EFCAB6: variants seen among roughly 807,000 people sequenced by gnomAD.
The protein encoded by EFCAB6 is EF-hand calcium binding domain 6, also known as EF-hand calcium-binding domain-containing protein 6.
In EFCAB6, 156 loss-of-function variants were observed where a neutral mutation model predicts 169.8. The ratio of observed to expected loss-of-function variants is 0.92; its 90% CI spans 0.81 to 1.05. EFCAB6 has a LOEUF of 1.05. EFCAB6 is among the 50% of genes least tolerant of loss of function. The pLI is 0.00. For missense variants in EFCAB6, 1,800 were observed against 1,829.1 expected (o/e 0.98, Z 0.29); for synonymous variants, 698 against 676.4 (o/e 1.03, Z -0.50).
intron 5 of EFCAB6, among the ~76,000 whole-genome samples, chr22:43,764,651 T>C (rs1366218408): frequency 6.6e-6 from 1 of 152,200 alleles, no homozygotes; most frequent in Admixed American, 6.5e-5. Context: ...TTAATTCTTA[T>C]ATATAATTGG....
At position 43,731,799 on chromosome 22, in the gene EFCAB6, G is replaced by A. The variant is rs779929872; in HGVS notation, c.657C>T (p.His219=). 2 of 1,572,756 alleles carry A rather than the reference G, an allele frequency of 1.3e-6. No individual in the cohort carries two copies. The highest frequency in any genetic ancestry group is 1.7e-6 in the Non-Finnish European group (2 of 1,164,896). The part of the protein sequence containing the change: ...RDEEYEKFSK[H]YNIHKDTAVD... ...CTGCAGTATCCTTGTGGATGTTGTAGTGTTTCGAAAACCTAAAATACAAAT... is the reference window on the plus strand; with the variant it reads ...CTGCAGTATCCTTGTGGATGTTGTAATGTTTCGAAAACCTAAAATACAAAT... The change falls in exon 8 of 32, where the codon CAC becomes CAT. Residue 219 remains histidine, a synonymous_variant. Transcript: ENST00000262726.
chr22:43,663,325 G>C (rs2057094327), intron 17 of EFCAB6, among the ~76,000 whole-genome samples: 1 of 152,116 alleles, frequency 6.6e-6, no homozygotes, highest in Non-Finnish European at 1.5e-5. Context: ...CTTACATCCG[G>C]TCTAACCTAA....
At chr22:43,810,488 T>C (rs1603398856) in intron 1 of EFCAB6, among the ~76,000 whole-genome samples, 1 of 152,208 alleles carries the variant, frequency 6.6e-6, no homozygotes, top group South Asian at 2.1e-4. Context: ...CCTGTCTCAG[T>C]TGTTAACAAC....
chr22:43,576,792 A>AG (rs1160520792), intron 25 of EFCAB6, among the ~76,000 whole-genome samples: 1 of 152,202 alleles, frequency 6.6e-6, no homozygotes. Context: ...TCCTGATGGA[A>AG]GCCTCGCCCC....
chr22:43,675,527 T>C (rs1445294856), intron 13 of EFCAB6, among the ~76,000 whole-genome samples: 2 of 143,294 alleles, frequency 1.4e-5, no homozygotes, highest in African/African-American at 2.5e-5. Context: ...ATTTATTAAG[T>C]AAGCAATAAA....
chr22:43,550,637 A>T (rs2147149447), intron 27 of EFCAB6, among the ~76,000 whole-genome samples: 1 of 149,380 alleles, frequency 6.7e-6, no homozygotes, highest in South Asian at 2.1e-4. Context: ...GCACCACTGC[A>T]CTCCGACCTG....
rs56241520 is a variant in EFCAB6 at position 43,529,057 on chromosome 22, G to C, written c.4384-82C>G. ...GCAGGCTGCCAGGAAGGGGCTGGGG[G>C]ACACATCCACCTGATCCCCAACCCC... On this transcript the variant is annotated intron_variant, in intron 31 of 31. Coordinates refer to ENST00000262726, the MANE Select transcript of EFCAB6 (RefSeq NM_022785.4). The C allele has an allele frequency of 6.6e-4, 949 of 1,442,092 alleles. 1 individual carries two copies. The highest frequency in any genetic ancestry group is 8.7e-4 in the Non-Finnish European group (926 of 1,069,704). 89.3% of individuals were successfully genotyped at this position (1,442,092 alleles called of 1,614,324 possible).
chr22:43,678,485 T>C (rs2147064971), intron 12 of EFCAB6, among the ~76,000 whole-genome samples: 1 of 152,162 alleles, frequency 6.6e-6, no homozygotes, highest in Admixed American at 6.5e-5. Flanking sequence ...CCCCAGGGGC[T>C]TGAATGGCTT....
At chr22:43,546,855 A>C (rs1448081669) in intron 27 of EFCAB6, among the ~76,000 whole-genome samples, 3 of 151,368 alleles carry the variant, frequency 2.0e-5, no homozygotes, top group Non-Finnish European at 4.4e-5. Context: ...CCTGGGTGAC[A>C]GAGTGAGACT....
rs2062487226 is a variant in EFCAB6, at chr22:43,795,847, A to C, written c.-8+13148T>G. On this transcript the variant is annotated intron_variant, in intron 2 of 31. Transcript: ENST00000262726. This position sits in a 1 kb window ranked among gnomAD's most constrained non-coding sequence, Gnocchi z 4.2. The stretch of plus-strand genomic sequence containing the variant: ...ACACACACACACACACACACTACAC[A>C]CTCACCACATACTCTCACCATACAC... Among the ~76,000 whole-genome samples, 2 of 148,018 alleles carry C rather than the reference A, an allele frequency of 1.4e-5. No homozygotes were observed. Among genetic ancestry groups the C allele is most frequent in the East Asian group, 2.0e-4 (1 of 5,064 alleles).
At chr22:43,727,131 A>T (rs975727787) in intron 8 of EFCAB6, among the ~76,000 whole-genome samples, 1 of 152,240 alleles carries the variant, frequency 6.6e-6, no homozygotes, top group African/African-American at 2.4e-5. Context: ...CAGATAAAAA[A>T]GTTTAAAGCA....
At chr22:43,804,755 C>A (rs4823145) in intron 2 of EFCAB6, among the ~76,000 whole-genome samples, 1 of 142,040 alleles carries the variant, frequency 7.0e-6, no homozygotes, top group African/African-American at 2.7e-5. Context: ...CAGAGCCCTG[C>A]CTCAAAAAAA....
chr22:43,765,487 G>A, intron 4 of EFCAB6, 94 bp from the exon 5 acceptor site: 2 of 898,176 alleles, frequency 2.2e-6, no homozygotes, highest in East Asian at 2.7e-5. Flanking sequence ...CTCTCAGGAT[G>A]TAACAGAGAA....
intron 22 of EFCAB6, among the ~76,000 whole-genome samples, chr22:43,602,760 T>C (rs1361476370): frequency 6.6e-6 from 1 of 151,326 alleles, no homozygotes; most frequent in Non-Finnish European, 1.5e-5. Context: ...CTCTCTCTCC[T>C]CCTAAGTCAA....
At chr22:43,592,929 C>G (rs900229988) in intron 23 of EFCAB6, among the ~76,000 whole-genome samples, 1 of 152,156 alleles carries the variant, frequency 6.6e-6, no homozygotes, top group African/African-American at 2.4e-5. Flanking sequence ...TTTTCTTAAT[C>G]TTTAAAATGT....
At chr22:43,548,404 G>T (rs1431928449) in intron 27 of EFCAB6, among the ~76,000 whole-genome samples, 2 of 151,622 alleles carry the variant, frequency 1.3e-5, no homozygotes, top group Non-Finnish European at 2.9e-5. Flanking sequence ...GCTGGGCGTG[G>T]TGGCATGTGC....
chr22:43,591,123 T>G (rs9614443), intron 23 of EFCAB6, among the ~76,000 whole-genome samples: 15,134 of 123,140 alleles, frequency 0.12, 985 homozygotes, highest in South Asian at 0.2. Context: ...TTTTTTTTTT[T>G]GTTTTTTTTT....
Position 43,607,745 on chromosome 22 carries a change from C to T in EFCAB6, c.2681+737G>A, listed in dbSNP as rs185850160. 2.6e-3 allele frequency among the ~76,000 whole-genome samples: 397 copies of T among 152,210 alleles called. 1 individual carries two copies. Among genetic ancestry groups the T allele is most frequent in the Non-Finnish European group, 4.9e-3 (334 of 68,016 alleles). ...TTCATAAGTTTGCCTCCTGAGTGGA[C>T]GTACGATGTTGGTATACCATCCTGG... is the stretch of plus-strand genomic sequence containing the variant. On this transcript the variant is annotated intron_variant, in intron 22 of 31. Transcript: ENST00000262726.
rs1298754465 is a variant in EFCAB6, at chr22:43,573,249, G to A, written c.3420+3048C>T. On this transcript the variant is annotated intron_variant, in intron 26 of 31. Coordinates refer to ENST00000262726, the MANE Select transcript of EFCAB6 (RefSeq NM_022785.4). ...GAGCAGGACTGGAGGTTAAATGGGT[G>A]AGTCAAGTGATCTCTGTTTTTAAAT... Among the ~76,000 whole-genome samples the A allele has an allele frequency of 3.9e-5, 6 of 152,144 alleles. No individual in the cohort carries two copies. In the South Asian group the frequency reaches 6.2e-4, roughly 16 times the overall value.
Sources: gnomAD v4.1 joint callset for allele counts (sites outside exome capture counted in the v4.1 genomes callset) on GRCh38, gnomAD v4.1.1 for gene constraint, Gnocchi (gnomAD v3.1) non-coding constraint, MANE v1.5 for transcripts, NCBI Gene and HGNC (gene_info 2026-07-23, HGNC 2026-07-21) for gene names.